Variants in CREBRF observed in about 807,000 individuals in gnomAD.
The protein encoded by CREBRF is UPF0474 protein C5orf41.
CREBRF carries 5 observed loss-of-function variants against 66.1 expected under a neutral mutation model. The observed-to-expected ratio is 0.08, with a 90% CI of 0.04 to 0.16. CREBRF has a LOEUF of 0.16. Ranked by LOEUF, CREBRF falls within the 10% of genes least tolerant of loss-of-function variation. CREBRF has a pLI of 1.00. For synonymous variants in CREBRF, 229 were observed against 264.4 expected (o/e 0.87, Z 1.30); for missense variants, 531 against 744.9 (o/e 0.71, Z 3.34).
chr5:173,117,645 CCT>C (rs139061048), intron 7 of CREBRF, among the ~76,000 whole-genome samples: 17,433 of 65,328 alleles, frequency 0.27, 3,174 homozygotes, highest in Non-Finnish European at 0.39. Context: ...CTCCTTCTCT[CCT>C]CTCTCTCTCT....
intron 1 of CREBRF, among the ~76,000 whole-genome samples, chr5:173,059,238 TTATC>T (rs1317815924): frequency 2.1e-4 from 32 of 150,698 alleles, no homozygotes; most frequent in Non-Finnish European, 4.4e-4. Context: ...ATTAGCTTAT[TTATC>T]AGTTCTTCTT....
chr5:173,077,923 ATAT>A (rs1172626251), intron 1 of CREBRF, among the ~76,000 whole-genome samples: 3 of 152,058 alleles, frequency 2.0e-5, no homozygotes, highest in African/African-American at 7.2e-5. Flanking sequence ...TGGCTGAATA[ATAT>A]TCTGTTGTAT....
chr5:173,125,309 C>T (rs937066367), intron 8 of CREBRF, among the ~76,000 whole-genome samples: 10 of 151,920 alleles, frequency 6.6e-5, no homozygotes, highest in Admixed American at 3.3e-4. Flanking sequence ...GGAATTTTCC[C>T]CTGTATTTCT....
intron 4 of CREBRF, among the ~76,000 whole-genome samples, chr5:173,102,040 T>C (rs1006038274): frequency 2.0e-5 from 3 of 152,232 alleles, no homozygotes; most frequent in Non-Finnish European, 4.4e-5. Flanking sequence ...TGGAGCTCAC[T>C]GCTTCTTTCT....
intron 4 of CREBRF, among the ~76,000 whole-genome samples, chr5:173,104,789 A>G (rs957147537): frequency 1.3e-5 from 2 of 151,892 alleles, no homozygotes; most frequent in Admixed American, 6.6e-5. Flanking sequence ...GGTGTATGCT[A>G]TTAGAAAATG....
chr5:173,101,842 C>T (rs1366061447), intron 4 of CREBRF, among the ~76,000 whole-genome samples: 1 of 152,186 alleles, frequency 6.6e-6, no homozygotes, highest in East Asian at 1.9e-4. Flanking sequence ...AGCCACCGCG[C>T]CCGGCCTGTC....
chr5:173,106,686 C>T (rs1011423927), intron 4 of CREBRF, among the ~76,000 whole-genome samples: 1 of 151,990 alleles, frequency 6.6e-6, no homozygotes, highest in African/African-American at 2.4e-5. Flanking sequence ...ATCATGTAAT[C>T]ACCACTAATA....
intron 4 of CREBRF, among the ~76,000 whole-genome samples, chr5:173,102,561 ATC>A (rs1254864987): frequency 6.6e-6 from 1 of 152,010 alleles, no homozygotes; most frequent in Non-Finnish European, 1.5e-5. Flanking sequence ...TGGAGCCTGG[ATC>A]ATTTGGGGTC....
intron 1 of CREBRF, among the ~76,000 whole-genome samples, chr5:173,059,281 T>C (rs1484571230): frequency 8.1e-6 from 1 of 123,698 alleles, no homozygotes; most frequent in Non-Finnish European, 1.7e-5. Context: ...TTTTTTTTTT[T>C]GAGACGGAGT....
At chr5:173,091,534 T>C in intron 4 of CREBRF, 133 bp downstream of exon 4, 1 of 1,465,474 alleles carries the variant, frequency 6.8e-7, no homozygotes, top group Non-Finnish European at 9.0e-7. Context: ...AACCTTGGAT[T>C]GGATATGTAA....
In CREBRF at chr5:173,088,255, C is replaced by CTT. The variant is rs536962764; in HGVS notation, c.135+1657_135+1658dup. Among the ~76,000 whole-genome samples the CTT allele has an allele frequency of 6.1e-4, 41 of 66,862 alleles. 2 individuals carry two copies. The highest frequency in any genetic ancestry group is 3.1e-3 in the East Asian group (6 of 1,934). The allele number at this position is 66,862 out of a possible 152,430, so 43.9% of individuals were successfully genotyped here. On this transcript the variant is annotated intron_variant, in intron 3 of 8. Transcript: ENST00000296953. The stretch of plus-strand genomic sequence containing the variant: ...CCAATATTGCTTCATCAAATACATT[C>CTT]TTTTTTTTTTTTTTTTTTTTTTTTT...
At chr5:173,118,883 T>G (rs906340148) in intron 7 of CREBRF, among the ~76,000 whole-genome samples, 2 of 151,732 alleles carry the variant, frequency 1.3e-5, no homozygotes, top group African/African-American at 4.8e-5. Flanking sequence ...CTATTTAAAA[T>G]TATTTTTAAA....
At chr5:173,081,240 T>G (rs1351534070) in intron 2 of CREBRF, among the ~76,000 whole-genome samples, 1 of 152,104 alleles carries the variant, frequency 6.6e-6, no homozygotes, top group East Asian at 1.9e-4. Context: ...CACACACACA[T>G]ACCTATGTGT....
chr5:173,109,736 AG>A (rs1289158273), intron 5 of CREBRF: 1 of 152,298 alleles, frequency 6.6e-6, no homozygotes, highest in Non-Finnish European at 1.5e-5. Context: ...AGGATTTTTG[AG>A]GACAAGAATT....
At chr5:173,105,820 G>A (rs557777719) in intron 4 of CREBRF, among the ~76,000 whole-genome samples, 29 of 148,344 alleles carry the variant, frequency 2.0e-4, no homozygotes, top group Middle Eastern at 3.2e-3. Context: ...GGGTTTCATC[G>A]TGTGAGCCAG....
intron 8 of CREBRF, among the ~76,000 whole-genome samples, chr5:173,124,760 C>CA (rs1759224348): frequency 1.3e-5 from 2 of 151,796 alleles, no homozygotes; most frequent in African/African-American, 4.8e-5. Context: ...TATGTACTTT[C>CA]AAATGTTTTT....
rs147600411 is a variant in CREBRF, at chr5:173,114,922, T to G, written c.1681+2543T>G. ...AGGATCTGTTTATGAGTTGAATGTT[T>G]GGACTCAATTTCTGAGAGCCAGGTG... On this transcript the variant is annotated intron_variant, in intron 7 of 8. Transcript: ENST00000296953. Among the ~76,000 whole-genome samples the G allele has an allele frequency of 3.7e-3, 557 of 152,332 alleles. 1 individual carries two copies. Among genetic ancestry groups the G allele is most frequent in the African/African-American group, 0.013 (537 of 41,576 alleles).
At chr5:173,082,078 A>G (rs774669325) in intron 2 of CREBRF, among the ~76,000 whole-genome samples, 23 of 131,950 alleles carry the variant, frequency 1.7e-4, no homozygotes, top group Non-Finnish European at 3.1e-4. Flanking sequence ...CAGTGGTGCA[A>G]TCTTGGCTCA....
intron 2 of CREBRF, among the ~76,000 whole-genome samples, chr5:173,082,941 A>AAAC (rs1561799543): frequency 1.0e-4 from 12 of 118,282 alleles, no homozygotes; most frequent in African/African-American, 3.4e-4. Flanking sequence ...AAAAAAAAAA[A>AAAC]AAAAACCGGG....
Sources: allele counts gnomAD v4.1 joint callset (sites outside exome capture counted in the v4.1 genomes callset), GRCh38; gene constraint gnomAD v4.1.1; transcripts MANE v1.5; gene names NCBI Gene and HGNC (gene_info 2026-07-23, HGNC 2026-07-21).